Variants in RNF170 observed in about 807,000 individuals in gnomAD.
RNF170 encodes the protein ring finger protein 170.
A neutral mutation model predicts 32.7 loss-of-function variants in RNF170; 12 were observed. That is an observed-to-expected ratio of 0.37 (90% confidence interval 0.24 to 0.60). RNF170 has a LOEUF of 0.60. RNF170 is among the 20% of genes least tolerant of loss of function. RNF170 has a pLI of 0.72. For synonymous variants in RNF170, 91 were observed against 103.6 expected (o/e 0.88, Z 0.74); for missense variants, 212 against 311.2 (o/e 0.68, Z 2.40).
At chr8:42,897,077 G>C (rs1016160680), upstream of RNF170, 28 of 1,219,902 alleles carry the variant, frequency 2.3e-5, no homozygotes, top group Non-Finnish European at 2.8e-5. Context: ...TCCCCCGACA[G>C]AGCGGCGGCG....
rs756428393 is a variant in RNF170, at chr8:42,856,104, T to C, written c.*55A>G. On this transcript the variant is annotated 3_prime_UTR_variant, in exon 7 of 7. Transcript: ENST00000527424. ...CTTTATACTGCCATGGGTCCTTCTG[T>C]TTGATGTTCTACATTAGCTCAGATA... 6.2e-7 allele frequency: 1 copy of C among 1,608,418 alleles called. No homozygotes were observed. The highest frequency in any genetic ancestry group is 8.5e-7 in the Non-Finnish European group (1 of 1,178,568).
In RNF170 at chr8:42,856,122, C is replaced by T; in HGVS notation, c.*37G>A. On this transcript the variant is annotated 3_prime_UTR_variant, in exon 7 of 7. Coordinates refer to ENST00000527424, the MANE Select transcript of RNF170 (RefSeq NM_030954.4). The stretch of plus-strand genomic sequence containing the variant: ...CCTTCTGTTTGATGTTCTACATTAG[C>T]TCAGATATCCTAGTAAACTCAGTTT... The T allele has an allele frequency of 6.2e-7, 1 of 1,610,102 alleles. No homozygotes were observed. Among genetic ancestry groups the T allele is most frequent in the Non-Finnish European group, 8.5e-7 (1 of 1,179,294 alleles).
At chr8:42,886,628 T>C (rs1356219396) in intron 2 of RNF170, among the ~76,000 whole-genome samples, 1 of 152,124 alleles carries the variant, frequency 6.6e-6, no homozygotes, top group Non-Finnish European at 1.5e-5. Context: ...GGTTTCACCA[T>C]GTTGGCCAGG....
chr8:42,883,790 CCAAAA>C (rs559251801), intron 2 of RNF170, among the ~76,000 whole-genome samples: 198 of 151,948 alleles, frequency 1.3e-3, no homozygotes, highest in African/African-American at 4.5e-3. Flanking sequence ...TACCACAAAA[CCAAAA>C]CAAAATTAAT....
chr8:42,865,705 C>T (rs1804030645), intron 4 of RNF170, among the ~76,000 whole-genome samples: 1 of 152,112 alleles, frequency 6.6e-6, no homozygotes, highest in Non-Finnish European at 1.5e-5. Context: ...AAGTTAAGGC[C>T]GGGCACAGTG....
chr8:42,869,872 A>G (rs1309862646), intron 4 of RNF170, 132 bp downstream of exon 4: 2 of 713,690 alleles, frequency 2.8e-6, no homozygotes, highest in African/African-American at 1.8e-5. Context: ...GTAGAGCAGG[A>G]TATCAGAGGT....
rs568689276 is a variant in RNF170 at position 42,878,649 on chromosome 8, C to A, written c.138-4643G>T. ...CTTTTATTTTATGGAATAGCAAGTGCTGATGGAGAAGCTGCAGCAAGTTAT... is the reference window on the plus strand; with the variant it reads ...CTTTTATTTTATGGAATAGCAAGTGATGATGGAGAAGCTGCAGCAAGTTAT... On this transcript the variant is annotated intron_variant, in intron 2 of 6. Coordinates refer to ENST00000527424, the MANE Select transcript of RNF170 (RefSeq NM_030954.4). Among the ~76,000 whole-genome samples, 3 of 152,354 alleles carry A rather than the reference C, an allele frequency of 2.0e-5. No individual in the cohort carries two copies. In the South Asian group the frequency reaches 6.2e-4, roughly 32 times the overall value.
chr8:42,883,282 C>T (rs905684636), intron 2 of RNF170, among the ~76,000 whole-genome samples: 5 of 151,828 alleles, frequency 3.3e-5, no homozygotes, highest in African/African-American at 9.7e-5. Context: ...CACACACACC[C>T]CCAAAATCTA....
Position 42,856,066 on chromosome 8 carries a change from C to T in RNF170, c.*93G>A. On this transcript the variant is annotated 3_prime_UTR_variant, in exon 7 of 7. Coordinates refer to ENST00000527424, the MANE Select transcript of RNF170 (RefSeq NM_030954.4). ...GTTTTATATTTGTGAGATAATACTC[C>T]ATTGCTTCATTGCTTTATACTGCCA... The T allele has an allele frequency of 1.9e-6, 3 of 1,597,874 alleles. No homozygotes were observed. Among genetic ancestry groups the T allele is most frequent in the Non-Finnish European group, 2.6e-6 (3 of 1,173,124 alleles).
At chr8:42,894,495 T>C (rs1338888678) in intron 1 of RNF170, among the ~76,000 whole-genome samples, 1 of 152,220 alleles carries the variant, frequency 6.6e-6, no homozygotes, top group Non-Finnish European at 1.5e-5. Flanking sequence ...ATAAGGAATG[T>C]AGGAACTCTA....
In RNF170 at chr8:42,854,962, A is replaced by G. The variant is rs763757886; in HGVS notation, c.*1197T>C. ...ACAGAAAACTAACAAAATTTGTCCA[A>G]TCTGTTGCTATAGCTAACCAGTAAT... On this transcript the variant is annotated 3_prime_UTR_variant, in exon 7 of 7. Transcript: ENST00000527424. 1.0e-5 allele frequency: 13 copies of G among 1,287,096 alleles called. No individual in the cohort carries two copies. Among genetic ancestry groups the G allele is most frequent in the Non-Finnish European group, 1.2e-5 (12 of 988,688 alleles). 79.7% of individuals were successfully genotyped at this position (1,287,096 alleles called of 1,614,324 possible).
intron 3 of RNF170, among the ~76,000 whole-genome samples, chr8:42,872,677 G>A (rs1804613584): frequency 6.6e-6 from 1 of 151,952 alleles, no homozygotes; most frequent in South Asian, 2.1e-4. Context: ...TCTTGACCTC[G>A]TGATCTGCTT....
intron 6 of RNF170, 65 bp from the exon 7 acceptor site, chr8:42,856,493 A>G (rs1803253152): frequency 8.7e-7 from 1 of 1,155,338 alleles, no homozygotes; most frequent in Non-Finnish European, 1.3e-6. Context: ...AAATAATATA[A>G]TTTTCTTACT....
intron 3 of RNF170, among the ~76,000 whole-genome samples, chr8:42,872,437 G>C (rs1469169247): frequency 6.6e-6 from 1 of 152,064 alleles, no homozygotes. Context: ...ACTACTAATA[G>C]GCTTAAACTA....
chr8:42,871,637 T>C (rs928190163), intron 3 of RNF170, among the ~76,000 whole-genome samples: 2 of 151,826 alleles, frequency 1.3e-5, no homozygotes, highest in African/African-American at 4.8e-5. Context: ...AGTGGCACAA[T>C]CTCAGCTCAC....
intron 1 of RNF170, among the ~76,000 whole-genome samples, chr8:42,890,598 T>C (rs1246700091): frequency 1.3e-5 from 2 of 152,240 alleles, no homozygotes; most frequent in East Asian, 3.9e-4. Context: ...TCTTAAGATA[T>C]TGCTTCATGT....
chr8:42,866,747 CGAAGA>C (rs921575342), intron 4 of RNF170, among the ~76,000 whole-genome samples: 2 of 152,108 alleles, frequency 1.3e-5, no homozygotes, highest in Non-Finnish European at 2.9e-5. Flanking sequence ...GCAAGCCAGC[CGAAGA>C]TGGGCAACAC....
chr8:42,870,380 T>A (rs763627104), intron 3 of RNF170, among the ~76,000 whole-genome samples: 5 of 152,184 alleles, frequency 3.3e-5, no homozygotes, highest in Non-Finnish European at 1.5e-5. Context: ...TCTACTGGAA[T>A]AAGTAAATTA....
chr8:42,854,484 G>A lies in RNF170; in HGVS notation c.*1675C>T, dbSNP rs1563652339. On this transcript the variant is annotated 3_prime_UTR_variant, in exon 7 of 7. Transcript: ENST00000527424. ...ATCCAAAGGATAAAATGAAAAGTAT[G>A]TGAGAAACCTGCTTTAATTATAATG... 5.4e-6 allele frequency: 7 copies of A among 1,286,372 alleles called. No individual in the cohort carries two copies. The South Asian group carries it at 8.7e-5, about 16-fold the overall frequency. 79.7% of individuals were successfully genotyped at this position (1,286,372 alleles called of 1,614,324 possible).
Sources: gnomAD v4.1 joint callset for allele counts (sites outside exome capture counted in the v4.1 genomes callset) on GRCh38, gnomAD v4.1.1 for gene constraint, MANE v1.5 for transcripts, NCBI Gene and HGNC (gene_info 2026-07-23, HGNC 2026-07-21) for gene names.